Variants in HECW2 observed in about 807,000 individuals in gnomAD.
HECW2 encodes the protein HECT, C2 and WW domain containing E3 ubiquitin protein ligase 2, also known as E3 ubiquitin-protein ligase HECW2.
HECW2 carries 61 observed loss-of-function variants against 175.2 expected under a neutral mutation model. The observed-to-expected ratio is 0.35, with a 90% CI of 0.28 to 0.43. HECW2 has a LOEUF of 0.43. Among genes scored for constraint, HECW2 ranks in the 20% least tolerant of loss-of-function variants. The pLI is 1.00. For missense variants in HECW2, 1,524 were observed against 2,000.5 expected, an observed-to-expected ratio of 0.76 and a Z score of 4.54; for synonymous variants, 671 against 731.0, an observed-to-expected ratio of 0.92 and a Z score of 1.32.
At chr2:196,243,765 G>C (rs755454957) in intron 19 of HECW2, among the ~76,000 whole-genome samples, 1 of 151,886 alleles carries the variant, frequency 6.6e-6, no homozygotes, top group Non-Finnish European at 1.5e-5. Flanking sequence ...TTTTAGCAGG[G>C]ACGTGGTTTC....
chr2:196,307,904 A>G (rs1226994363), intron 11 of HECW2, 31 bp downstream of exon 11: 8 of 1,475,966 alleles, frequency 5.4e-6, no homozygotes, highest in Non-Finnish European at 7.3e-6. Flanking sequence ...ACCACAAAAT[A>G]CAACAGTCAC....
intron 14 of HECW2, among the ~76,000 whole-genome samples, chr2:196,286,228 C>G (rs1690380656): frequency 6.6e-6 from 1 of 152,094 alleles, no homozygotes; most frequent in Non-Finnish European, 1.5e-5. Flanking sequence ...CTCCTCTCCA[C>G]CTGCCACAGA....
At chr2:196,461,472 G>A (rs1176655331) in intron 1 of HECW2, among the ~76,000 whole-genome samples, 1 of 152,082 alleles carries the variant, frequency 6.6e-6, no homozygotes, top group Non-Finnish European at 1.5e-5. Flanking sequence ...CATGCCATTC[G>A]GCTTTTCCAC....
chr2:196,423,715 T>TGTGTGTGTGTGTGTGTGTGTG (rs1553516070), intron 2 of HECW2, among the ~76,000 whole-genome samples: 1 of 151,584 alleles, frequency 6.6e-6, no homozygotes, highest in African/African-American at 2.4e-5. Context: ...TGTGTGTGTG[T>TGTGTGTGTGTGTGTGTGTGTG]TTATCACATT....
intron 1 of HECW2, among the ~76,000 whole-genome samples, chr2:196,532,980 T>C (rs1559162753): frequency 6.6e-6 from 1 of 152,234 alleles, no homozygotes; most frequent in Non-Finnish European, 1.5e-5. Context: ...GAAAGTCAGA[T>C]AACATACAGT....
chr2:196,517,054 C>T (rs1452028762), intron 1 of HECW2, among the ~76,000 whole-genome samples: 1 of 152,228 alleles, frequency 6.6e-6, no homozygotes, highest in Non-Finnish European at 1.5e-5. Context: ...CAGACTTCCT[C>T]CCAGAGAGAC....
At chr2:196,340,580 A>T (rs1045762043) in intron 3 of HECW2, among the ~76,000 whole-genome samples, 1 of 124,502 alleles carries the variant, frequency 8.0e-6, no homozygotes, top group Non-Finnish European at 1.6e-5. Context: ...TGGGAGACGC[A>T]GCAAGACTCC....
At chr2:196,444,709 A>G (rs12693795) in intron 1 of HECW2, among the ~76,000 whole-genome samples, 49,797 of 152,068 alleles carry the variant, frequency 0.33, 9,768 homozygotes, top group African/African-American at 0.56. Context: ...ACCAAGTTGG[A>G]CAAGGGTGAA....
chr2:196,509,774 T>C (rs1295995886), intron 1 of HECW2, among the ~76,000 whole-genome samples: 4 of 152,178 alleles, frequency 2.6e-5, no homozygotes, highest in African/African-American at 7.2e-5. Flanking sequence ...GTCCATCATA[T>C]TGTAAAAATG....
chr2:196,284,855 A>G (rs1176631198), intron 14 of HECW2, among the ~76,000 whole-genome samples: 7 of 18,196 alleles, frequency 3.8e-4, no homozygotes, highest in Non-Finnish European at 2.6e-3. Flanking sequence ...TGCAGGCATG[A>G]AAAAAGAAAA....
At chr2:196,569,582 A>C (rs1417124804) in intron 1 of HECW2, among the ~76,000 whole-genome samples, 1 of 152,172 alleles carries the variant, frequency 6.6e-6, no homozygotes, top group Non-Finnish European at 1.5e-5. Flanking sequence ...TTACAAATAA[A>C]GGTACTAGAT....
chr2:196,301,360 T>C (rs865882155), intron 13 of HECW2, among the ~76,000 whole-genome samples: 1 of 152,230 alleles, frequency 6.6e-6, no homozygotes, highest in Non-Finnish European at 1.5e-5. Flanking sequence ...ATCTTTATAA[T>C]AGAATGATTT....
chr2:196,360,542 T>G (rs1286343121), intron 2 of HECW2, among the ~76,000 whole-genome samples: 1 of 152,024 alleles, frequency 6.6e-6, no homozygotes, highest in Non-Finnish European at 1.5e-5. Context: ...TGGAGCCTAC[T>G]CGAGGGTGAA....
chr2:196,457,086 T>G lies in HECW2; in HGVS notation c.-35-23628A>C, dbSNP rs78361703. ...GAAAGTATCTGGAAAGAATCAACAG[T>G]GCCTAATGAGTAGGTACGGCATGGA... On this transcript the variant is annotated intron_variant, in intron 1 of 28. Transcript: ENST00000644978. 7.0e-3 allele frequency among the ~76,000 whole-genome samples: 1,060 copies of G among 152,316 alleles called. 19 individuals are homozygous for G. Among genetic ancestry groups the G allele is most frequent in the African/African-American group, 0.024 (1,017 of 41,560 alleles).
intron 1 of HECW2, among the ~76,000 whole-genome samples, chr2:196,478,469 T>C (rs576897288): frequency 1.3e-5 from 2 of 152,258 alleles, no homozygotes; most frequent in Non-Finnish European, 2.9e-5. Context: ...CTGTTATCTA[T>C]CTAGTTCTTT....
At chr2:196,322,766 A>T in intron 6 of HECW2, 146 bp from the exon 7 acceptor site, 1 of 677,958 alleles carries the variant, frequency 1.5e-6, no homozygotes, top group Non-Finnish European at 2.4e-6. Context: ...GCTATTGTCA[A>T]TCCTTTATTC....
At chr2:196,234,578 A>G (rs1214808930) in intron 21 of HECW2, among the ~76,000 whole-genome samples, 1 of 152,166 alleles carries the variant, frequency 6.6e-6, no homozygotes, top group African/African-American at 2.4e-5. Context: ...TATAGGTATG[A>G]GCCACCATGC....
chr2:196,255,932 G>T (rs1418354595), intron 18 of HECW2, among the ~76,000 whole-genome samples: 1 of 152,108 alleles, frequency 6.6e-6, no homozygotes, highest in East Asian at 1.9e-4. Flanking sequence ...AATTAGCCGG[G>T]CGTGGTGGCT....
At chr2:196,310,376 C>T (rs2105723863) in intron 10 of HECW2, among the ~76,000 whole-genome samples, 1 of 152,192 alleles carries the variant, frequency 6.6e-6, no homozygotes, top group East Asian at 1.9e-4. Context: ...CAAGTGAATG[C>T]TTGGCTCTGA....
Sources: allele counts gnomAD v4.1 joint callset (sites outside exome capture counted in the v4.1 genomes callset), GRCh38; gene constraint gnomAD v4.1.1; transcripts MANE v1.5; gene names NCBI Gene and HGNC (gene_info 2026-07-23, HGNC 2026-07-21).